RTL4: variants seen among roughly 807,000 people sequenced by gnomAD.
RTL4 encodes the protein retrotransposon Gag-like protein 4.
In RTL4, 4 loss-of-function variants were observed where a neutral mutation model predicts 5.3. That is an observed-to-expected ratio of 0.75 (90% CI 0.37 to 1.72). RTL4 has a LOEUF of 1.72. Ranked by LOEUF, RTL4 falls within the 40% of genes most tolerant of loss-of-function variation. The pLI, the probability that RTL4 is intolerant of heterozygous loss-of-function variation, is 0.04. For missense variants in RTL4, 260 were observed against 227.1 expected (o/e 1.14, Z -0.93); for synonymous variants, 98 against 87.3 (o/e 1.12, Z -0.68).
the RTL4 span, among the ~76,000 whole-genome samples, chrX:112,328,574 C>T: frequency 2.7e-5 from 3 of 111,455 alleles, no homozygotes; most frequent in Non-Finnish European, 3.8e-5. Context: ...CTTTAACACC[C>T]CACTGTCAAC....
At chrX:112,333,854 C>T in the RTL4 span, among the ~76,000 whole-genome samples, 1 of 111,231 alleles carries the variant, frequency 9.0e-6, no homozygotes, top group East Asian at 2.8e-4. Context: ...TTATTATTGG[C>T]TATAGTCACT....
At chrX:112,312,835 A>C in the RTL4 span, among the ~76,000 whole-genome samples, 35 of 111,085 alleles carry the variant, frequency 3.2e-4, no homozygotes, top group African/African-American at 1.0e-3. Context: ...AACCTTTCTC[A>C]CAAATAGAGC....
chrX:112,253,152 T>A, the RTL4 span, among the ~76,000 whole-genome samples: 1 of 111,798 alleles, frequency 8.9e-6, no homozygotes, highest in South Asian at 3.8e-4. Context: ...GAGTATGTCA[T>A]CCTACCTGGT....
chrX:112,144,191 A>C, the RTL4 span, among the ~76,000 whole-genome samples: 1 of 111,539 alleles, frequency 9.0e-6, no homozygotes, highest in Admixed American at 9.5e-5. Context: ...CCTAAAAAAA[A>C]CAGCTCTGGC....
chrX:112,171,481 T>C, the RTL4 span, among the ~76,000 whole-genome samples: 1 of 111,632 alleles, frequency 9.0e-6, no homozygotes, highest in Non-Finnish European at 1.9e-5. Flanking sequence ...GGTTCAGTCT[T>C]GGAAGGGTGT....
At chrX:112,173,868 C>T in the RTL4 span, among the ~76,000 whole-genome samples, 5 of 110,683 alleles carry the variant, frequency 4.5e-5, no homozygotes, top group African/African-American at 6.6e-5. Context: ...CTGGGTTTAA[C>T]GTCTTTTTGA....
the RTL4 span, among the ~76,000 whole-genome samples, chrX:112,181,714 G>T: frequency 1.8e-5 from 2 of 111,931 alleles, no homozygotes; most frequent in East Asian, 2.8e-4. Flanking sequence ...CCATGTTTCT[G>T]TGACAGAACA....
At chrX:112,306,163 G>T in the RTL4 span, among the ~76,000 whole-genome samples, 1 of 111,644 alleles carries the variant, frequency 9.0e-6, no homozygotes. Context: ...CTGATTGTGG[G>T]CTGGTGCTCA....
chrX:112,259,051 T>G, the RTL4 span, among the ~76,000 whole-genome samples: 23 of 111,282 alleles, frequency 2.1e-4, no homozygotes, highest in African/African-American at 6.8e-4. Context: ...CAGCCCCAGG[T>G]TGTTGAAATT....
chrX:112,229,464 G>A, the RTL4 span, among the ~76,000 whole-genome samples: 3 of 111,675 alleles, frequency 2.7e-5, no homozygotes, highest in Non-Finnish European at 3.8e-5. Flanking sequence ...CTTTTCTCTA[G>A]TACCAGAGTC....
At chrX:112,110,234 C>T in the RTL4 span, among the ~76,000 whole-genome samples, 1 of 112,244 alleles carries the variant, frequency 8.9e-6, no homozygotes, top group African/African-American at 3.2e-5. Context: ...GGTGCAAAGT[C>T]CTCCTTTCTC....
the RTL4 span, among the ~76,000 whole-genome samples, chrX:112,166,275 T>C: frequency 8.9e-6 from 1 of 111,894 alleles, no homozygotes; most frequent in African/African-American, 3.3e-5. Flanking sequence ...CTTTTTCATT[T>C]CCTAGAAATA....
At chrX:112,239,044 T>G in the RTL4 span, among the ~76,000 whole-genome samples, 1 of 111,556 alleles carries the variant, frequency 9.0e-6, no homozygotes, top group Non-Finnish European at 1.9e-5. Context: ...TGAAAGCAGG[T>G]GGTCATACTC....
At chrX:112,183,931 C>A in the RTL4 span, among the ~76,000 whole-genome samples, 4 of 111,491 alleles carry the variant, frequency 3.6e-5, no homozygotes, top group African/African-American at 1.3e-4. Flanking sequence ...CAGCAATAAG[C>A]AGACCTGTGC....
the RTL4 span, among the ~76,000 whole-genome samples, chrX:112,275,225 G>A: frequency 5.5e-5 from 6 of 108,479 alleles, no homozygotes; most frequent in Admixed American, 2.0e-4. Context: ...AGCTGAGAGC[G>A]GGGTAAAGAA....
chrX:112,364,309 C>T, the RTL4 span, among the ~76,000 whole-genome samples: 1 of 111,502 alleles, frequency 9.0e-6, no homozygotes, highest in African/African-American at 3.3e-5. Flanking sequence ...ACACCCTCTA[C>T]TCCCCATGAG....
At chrX:112,153,601 A>G in the RTL4 span, among the ~76,000 whole-genome samples, 10 of 112,245 alleles carry the variant, frequency 8.9e-5, no homozygotes, top group African/African-American at 2.9e-4. Context: ...CTAATATAAT[A>G]ACAGAAAAAT....
chrX:112,439,226 G>A, the RTL4 span, among the ~76,000 whole-genome samples: 2 of 111,362 alleles, frequency 1.8e-5, no homozygotes, highest in African/African-American at 6.5e-5. Context: ...CAGTCTTGCT[G>A]CCAGAAAATT....
the RTL4 span, among the ~76,000 whole-genome samples, chrX:112,104,156 CT>C: frequency 8.9e-6 from 1 of 111,930 alleles, no homozygotes; most frequent in Non-Finnish European, 1.9e-5. Flanking sequence ...CAGTATTTGT[CT>C]TTCTGTGCCT....
Sources: allele counts gnomAD v4.1 joint callset (sites outside exome capture counted in the v4.1 genomes callset), GRCh38; gene constraint gnomAD v4.1.1; transcripts MANE v1.5; gene names NCBI Gene and HGNC (gene_info 2026-07-23, HGNC 2026-07-21).